ANKRD18A: variants seen among roughly 807,000 people sequenced by gnomAD.
The protein encoded by ANKRD18A is ankyrin repeat domain 18A.
Under a neutral mutation model 110.6 loss-of-function variants are expected in ANKRD18A, and 72 were observed. The observed-to-expected ratio is 0.65, with a 90% CI of 0.54 to 0.79. The LOEUF (loss-of-function observed/expected upper bound fraction) is 0.79. Ranked by LOEUF, ANKRD18A falls within the 30% of genes least tolerant of loss-of-function variation. The probability of loss-of-function intolerance (pLI) is 0.00; values close to 1 mark genes in which losing one functional copy is unlikely to be tolerated. For synonymous variants in ANKRD18A, 305 were observed against 410.3 expected, an observed-to-expected ratio of 0.74 and a Z score of 3.10; for missense variants, 934 against 1,163.3, an observed-to-expected ratio of 0.80 and a Z score of 2.87.
Position 38,611,252 on chromosome 9 carries a change from T to G in ANKRD18A, c.565A>C (p.Asn189His). ...TCAACGGCATGTATATTTGCCTGGTTCTTCAATAAAAATTCCACCATATGC... is the reference window on the plus strand; with the variant it reads ...TCAACGGCATGTATATTTGCCTGGTGCTTCAATAAAAATTCCACCATATGC... ...RQHMVEFLLK[N>H]QANIHAVDNF... The change falls in exon 4 of 16, where the codon AAC becomes CAC. Residue 189 changes from asparagine (N) to histidine (H), a missense_variant. Physicochemically the swap from Asn to His is moderately conservative, Grantham distance 68. Transcript: ENST00000399703. The G allele has an allele frequency of 6.5e-7, 1 of 1,530,080 alleles. No individual in the cohort carries two copies. The highest frequency in any genetic ancestry group is 8.8e-7 in the Non-Finnish European group (1 of 1,140,582). The allele number at this position is 1,530,080 out of a possible 1,614,324, so 94.8% of individuals were successfully genotyped here.
intron 15 of ANKRD18A, among the ~76,000 whole-genome samples, chr9:38,573,575 T>TGTG (rs1823746389): frequency 6.6e-6 from 1 of 151,728 alleles, no homozygotes; most frequent in African/African-American, 2.4e-5. Flanking sequence ...ATTAGCTGGG[T>TGTG]GTGGTGGTGC....
At chr9:38,569,974 C>T (rs1823580495), downstream of ANKRD18A, among the ~76,000 whole-genome samples, 1 of 152,168 alleles carries the variant, frequency 6.6e-6, no homozygotes, top group African/African-American at 2.4e-5. Flanking sequence ...TTTCCAGCCA[C>T]CCTCCAGGGT....
intron 5 of ANKRD18A, among the ~76,000 whole-genome samples, chr9:38,607,789 G>A (rs2118851987): frequency 6.6e-6 from 1 of 152,266 alleles, no homozygotes; most frequent in East Asian, 1.9e-4. Flanking sequence ...GTAACCAATA[G>A]GTATTTTGTT....
At chr9:38,567,326 G>A (rs538898408), downstream of ANKRD18A, 1 of 152,350 alleles carries the variant, frequency 6.6e-6, no homozygotes, top group East Asian at 1.9e-4. Context: ...CTTTGCTAGT[G>A]TTATTATTCT....
At chr9:38,587,025 G>T (rs1824415770) in intron 11 of ANKRD18A, among the ~76,000 whole-genome samples, 2 of 151,970 alleles carry the variant, frequency 1.3e-5, no homozygotes, top group African/African-American at 4.8e-5. Context: ...AATACATTTT[G>T]ATATCCGTTG....
chr9:38,603,724 T>C (rs1353667383), intron 6 of ANKRD18A, among the ~76,000 whole-genome samples: 1 of 152,086 alleles, frequency 6.6e-6, no homozygotes, highest in East Asian at 1.9e-4. Flanking sequence ...CCCAGCTTTA[T>C]ACCCTGAACA....
downstream of ANKRD18A, chr9:38,569,384 G>C (rs1287007292): frequency 1.6e-5 from 16 of 985,280 alleles, no homozygotes; most frequent in Non-Finnish European, 1.9e-5. Context: ...GAAGAGAAGA[G>C]AGCAGGTCCC....
At chr9:38,598,352 T>G (rs1194571469) in intron 8 of ANKRD18A, among the ~76,000 whole-genome samples, 1 of 152,182 alleles carries the variant, frequency 6.6e-6, no homozygotes, top group South Asian at 2.1e-4. Flanking sequence ...TGAACAAAGA[T>G]TATGAGAATG....
At chr9:38,578,518 A>T (rs1824012248) in intron 12 of ANKRD18A, among the ~76,000 whole-genome samples, 1 of 152,172 alleles carries the variant, frequency 6.6e-6, no homozygotes, top group Admixed American at 6.5e-5. Context: ...ACTTTCAGAG[A>T]TATCATATTG....
At chr9:38,588,855 C>T (rs1824506877) in intron 10 of ANKRD18A, among the ~76,000 whole-genome samples, 192 bp from the exon 11 acceptor site, 1 of 152,172 alleles carries the variant, frequency 6.6e-6, no homozygotes, top group Non-Finnish European at 1.5e-5. Flanking sequence ...AAGATTCACA[C>T]TTTCATCATT....
chr9:38,580,874 G>GC (rs1481801554), intron 12 of ANKRD18A, among the ~76,000 whole-genome samples: 30 of 151,456 alleles, frequency 2.0e-4, no homozygotes, highest in Admixed American at 5.3e-4. Context: ...TTCGAACTCA[G>GC]CCCCCAGATT....
chr9:38,577,875 G>T lies in ANKRD18A; in HGVS notation c.2521C>A (p.His841Asn). ...TGATTTTAAAAACTAACCTGTAAAT[G>T]GATTTCTTCTAATTTTTCTATTTCC... ...VQEIEKLEEI[H>N]LQKQAEYEKQ... is the part of the protein sequence containing the mutation. Residue 841 changes from histidine (H) to asparagine (N), a missense_variant, in exon 13 of 16, where the codon CAT (histidine) becomes AAT (asparagine). By Grantham distance (68) the His-to-Asn change is moderately conservative. Coordinates refer to ENST00000399703, the MANE Select transcript of ANKRD18A (RefSeq NM_147195.4). 6.3e-7 allele frequency: 1 copy of T among 1,585,612 alleles called. No homozygotes were observed. The highest frequency in any genetic ancestry group is 8.5e-7 in the Non-Finnish European group (1 of 1,170,224).
chr9:38,617,906 G>C (rs1825923252), intron 1 of ANKRD18A, among the ~76,000 whole-genome samples: 1 of 152,076 alleles, frequency 6.6e-6, no homozygotes, highest in South Asian at 2.1e-4. Context: ...ATATTTTTGT[G>C]ATAGTAATAA....
intron 3 of ANKRD18A, among the ~76,000 whole-genome samples, chr9:38,614,307 A>G (rs2477409): frequency 0.19 from 26,280 of 141,318 alleles, 2,951 homozygotes; most frequent in African/African-American, 0.34. Context: ...GGGTTTCACC[A>G]TGTTAGCCAG....
chr9:38,609,197 G>A (rs1450331719), intron 5 of ANKRD18A, among the ~76,000 whole-genome samples: 3 of 152,028 alleles, frequency 2.0e-5, no homozygotes, highest in African/African-American at 7.2e-5. Context: ...CTGTAGCTGT[G>A]GGCCGGGCGC....
At chr9:38,597,912 C>T (rs888098150) in intron 8 of ANKRD18A, among the ~76,000 whole-genome samples, 3 of 152,078 alleles carry the variant, frequency 2.0e-5, no homozygotes, top group Admixed American at 1.3e-4. Flanking sequence ...AAGTCTGATT[C>T]AACAGAAACA....
intron 10 of ANKRD18A, among the ~76,000 whole-genome samples, chr9:38,593,090 T>C (rs939157091): frequency 5.9e-5 from 9 of 152,204 alleles, no homozygotes; most frequent in Admixed American, 6.5e-5. Context: ...CTGTCTGACA[T>C]GTGAATTATC....
chr9:38,578,211 C>A (rs1177397486), intron 12 of ANKRD18A, 63 bp from the exon 13 acceptor site: 10 of 1,436,276 alleles, frequency 7.0e-6, no homozygotes, highest in Admixed American at 2.9e-5. Flanking sequence ...AATACAAAAC[C>A]AATAGCAAAT....
chr9:38,578,318 T>G (rs1225084702), intron 12 of ANKRD18A, among the ~76,000 whole-genome samples, 170 bp from the exon 13 acceptor site: 1 of 152,232 alleles, frequency 6.6e-6, no homozygotes, highest in Non-Finnish European at 1.5e-5. Flanking sequence ...AGAACAAAGT[T>G]AAAGCTACCA....
Sources: allele counts gnomAD v4.1 joint callset (sites outside exome capture counted in the v4.1 genomes callset), GRCh38; gene constraint gnomAD v4.1.1; transcripts MANE v1.5; gene names NCBI Gene and HGNC (gene_info 2026-07-23, HGNC 2026-07-21).